CTNNA2: variants seen among roughly 807,000 people sequenced by gnomAD.
CTNNA2 encodes catenin alpha-2.
Under a neutral mutation model 101.0 loss-of-function variants are expected in CTNNA2, and 42 were observed. The ratio of observed to expected loss-of-function variants is 0.42; its 90% CI spans 0.32 to 0.54. CTNNA2 has a LOEUF of 0.54. CTNNA2 is among the 20% of genes least tolerant of loss of function. CTNNA2 has a pLI of 0.14. For synonymous variants in CTNNA2, 450 were observed against 456.4 expected (o/e 0.99, Z 0.18); for missense variants, 871 against 1,223.1 (o/e 0.71, Z 4.29).
At chr2:80,607,001 G>A (rs527592498) in intron 16 of CTNNA2, among the ~76,000 whole-genome samples, 1 of 151,800 alleles carries the variant, frequency 6.6e-6, no homozygotes, top group Non-Finnish European at 1.5e-5. Context: ...ATTCTTTCTT[G>A]ATAAATGCAG....
At chr2:79,843,821 TACTCCA>T (rs1289161977) in intron 3 of CTNNA2, among the ~76,000 whole-genome samples, 2 of 152,162 alleles carry the variant, frequency 1.3e-5, no homozygotes, top group Non-Finnish European at 2.9e-5. Flanking sequence ...ATTGCTAAAT[TACTCCA>T]ACTCCAACTC....
chr2:79,229,964 G>T (rs1674468683), intron 2 of CTNNA2, among the ~76,000 whole-genome samples: 1 of 152,200 alleles, frequency 6.6e-6, no homozygotes, highest in Non-Finnish European at 1.5e-5. Context: ...TTTGGCAGAA[G>T]AAATTTCTAA....
intron 9 of CTNNA2, among the ~76,000 whole-genome samples, chr2:80,489,759 T>C (rs1437387791): frequency 6.6e-6 from 1 of 152,194 alleles, no homozygotes; most frequent in Non-Finnish European, 1.5e-5. Flanking sequence ...CAGTTCAAGA[T>C]GTATTCTCAT....
intron 9 of CTNNA2, among the ~76,000 whole-genome samples, chr2:80,522,036 T>C (rs540513143): frequency 1.3e-4 from 20 of 152,284 alleles, no homozygotes; most frequent in Admixed American, 1.2e-3. Context: ...CAGTTACATA[T>C]CTAAATCAGG....
At chr2:80,137,598 G>A (rs1363732914) in intron 7 of CTNNA2, among the ~76,000 whole-genome samples, 1 of 152,128 alleles carries the variant, frequency 6.6e-6, no homozygotes, top group African/African-American at 2.4e-5. Flanking sequence ...GGCTAGTTAA[G>A]TGGAAAGCAC....
intron 8 of CTNNA2, among the ~76,000 whole-genome samples, chr2:80,406,234 G>C (rs932580271): frequency 6.6e-6 from 1 of 151,796 alleles, no homozygotes; most frequent in Non-Finnish European, 1.5e-5. Flanking sequence ...TTGCGCCTGT[G>C]TTCCCAGGAG....
intron 6 of CTNNA2, among the ~76,000 whole-genome samples, chr2:79,879,727 A>G (rs1344048653): frequency 1.3e-5 from 2 of 152,074 alleles, no homozygotes; most frequent in Non-Finnish European, 1.5e-5. Flanking sequence ...GGCTGACATG[A>G]TGGGGTTTTC....
chr2:79,871,068 C>T (rs988737429), intron 5 of CTNNA2, among the ~76,000 whole-genome samples: 16 of 152,152 alleles, frequency 1.1e-4, no homozygotes, highest in African/African-American at 3.9e-4. Flanking sequence ...AAAATATTTC[C>T]AAATGTGGAA....
chr2:79,696,679 T>G (rs1684673144), intron 2 of CTNNA2, among the ~76,000 whole-genome samples: 1 of 152,002 alleles, frequency 6.6e-6, no homozygotes, highest in Non-Finnish European at 1.5e-5. Context: ...GGAGGATGCT[T>G]CTTTGGTTTT....
intron 7 of CTNNA2, among the ~76,000 whole-genome samples, chr2:80,344,721 AG>A (rs1672570468): frequency 6.6e-6 from 1 of 152,178 alleles, no homozygotes; most frequent in Non-Finnish European, 1.5e-5. Context: ...CCTGAGCTCA[AG>A]TGATTCTCCC....
chr2:79,750,276 T>C (rs1215885765), intron 3 of CTNNA2, among the ~76,000 whole-genome samples: 6 of 152,342 alleles, frequency 3.9e-5, no homozygotes, highest in Admixed American at 2.6e-4. Flanking sequence ...TCTCAAACTT[T>C]AGTGAATACT....
In CTNNA2 at chr2:80,581,714, A is replaced by G; in HGVS notation, c.1902A>G (p.Glu634=). 2 of 1,606,534 alleles carry G rather than the reference A, an allele frequency of 1.2e-6. No individual in the cohort carries two copies. Among genetic ancestry groups the G allele is most frequent in the Non-Finnish European group, 1.7e-6 (2 of 1,173,416 alleles). The change falls in exon 14 of 19, where the codon GAA becomes GAG. Residue 634 remains glutamate (E), a synonymous_variant. Transcript: ENST00000402739. ...TATCTTTTTGTCTTTAGACCCCAGA[A>G]GAACTAGAGGATGATTCTGACTTTG... ...RKAVLMIRTP[E]ELEDDSDFEQ...
At chr2:79,909,890 C>T in intron 7 of CTNNA2, 93 bp downstream of exon 7, 1 of 1,283,650 alleles carries the variant, frequency 7.8e-7, no homozygotes, top group African/African-American at 1.5e-5. Context: ...GAAAAGAGAA[C>T]AGACCAGGTG....
intron 1 of CTNNA2, among the ~76,000 whole-genome samples, chr2:79,631,123 T>C (rs1679664273): frequency 6.6e-6 from 1 of 152,176 alleles, no homozygotes. Flanking sequence ...GTATATTTGC[T>C]CAGCATTTCC....
chr2:79,495,714 A>T (rs1480110481), intron 4 of CTNNA2, among the ~76,000 whole-genome samples: 3 of 152,204 alleles, frequency 2.0e-5, no homozygotes, highest in Non-Finnish European at 1.5e-5. Flanking sequence ...ATATCTATTA[A>T]TTGATAAATG....
intron 7 of CTNNA2, among the ~76,000 whole-genome samples, chr2:80,261,474 T>C (rs1672603218): frequency 6.6e-6 from 1 of 152,108 alleles, no homozygotes; most frequent in Non-Finnish European, 1.5e-5. Flanking sequence ...ATATATTTTT[T>C]AACACCAGTT....
At chr2:79,815,339 C>T (rs774026625) in intron 3 of CTNNA2, among the ~76,000 whole-genome samples, 93 of 152,124 alleles carry the variant, frequency 6.1e-4, no homozygotes, top group Non-Finnish European at 9.1e-4. Context: ...TAATGAAATC[C>T]TTGCCTAAGC....
intron 3 of CTNNA2, among the ~76,000 whole-genome samples, chr2:79,828,114 G>A (rs1678584810): frequency 6.6e-6 from 1 of 152,148 alleles, no homozygotes; most frequent in South Asian, 2.1e-4. Flanking sequence ...TTAAAGGAAA[G>A]CAATGAGAAA....
intron 3 of CTNNA2, among the ~76,000 whole-genome samples, chr2:79,323,537 A>G (rs1288891043): frequency 4.0e-5 from 6 of 151,728 alleles, no homozygotes; most frequent in Non-Finnish European, 5.9e-5. Flanking sequence ...TCAAAAAAAA[A>G]TAGAACAAAG....
Sources: gnomAD v4.1 joint callset for allele counts (sites outside exome capture counted in the v4.1 genomes callset) on GRCh38, gnomAD v4.1.1 for gene constraint, MANE v1.5 for transcripts, NCBI Gene and HGNC (gene_info 2026-07-23, HGNC 2026-07-21) for gene names.